Variants in RBFOX3 observed in about 807,000 individuals in gnomAD.
The protein encoded by RBFOX3 is RNA binding protein fox-1 homolog 3.
In RBFOX3, 17 loss-of-function variants were observed where a neutral mutation model predicts 48.7. The observed-to-expected ratio is 0.35, with a 90% CI of 0.24 to 0.52. The LOEUF (loss-of-function observed/expected upper bound fraction) is 0.52, where lower values mean the gene tolerates loss of function less well. Ranked by LOEUF, RBFOX3 falls within the 20% of genes least tolerant of loss-of-function variation. RBFOX3 has a pLI of 0.94. For missense variants in RBFOX3, 382 were observed against 497.5 expected (o/e 0.77, Z 2.21); for synonymous variants, 212 against 209.5 (o/e 1.01, Z -0.10).
At chr17:79,264,565 G>C (rs571972953) in intron 3 of RBFOX3, among the ~76,000 whole-genome samples, 1 of 152,202 alleles carries the variant, frequency 6.6e-6, no homozygotes, top group Admixed American at 6.5e-5. Context: ...CATTTCTGTT[G>C]TCTCATGTCA....
At chr17:79,268,916 C>T (rs1563449) in intron 3 of RBFOX3, among the ~76,000 whole-genome samples, 114,214 of 152,206 alleles carry the variant, frequency 0.75, 44,685 homozygotes, top group East Asian at 0.92. Context: ...CCTCTCACCC[C>T]CTTGTCTTCA....
chr17:79,598,172 C>G (rs2093613472), intron 1 of RBFOX3: 1 of 152,312 alleles, frequency 6.6e-6, no homozygotes, highest in African/African-American at 2.4e-5. Context: ...AGCAGGAGCG[C>G]TGCCTGCTGG....
chr17:79,144,077 G>A (rs186985889), intron 4 of RBFOX3, among the ~76,000 whole-genome samples: 2 of 152,330 alleles, frequency 1.3e-5, no homozygotes, highest in Admixed American at 6.5e-5. Flanking sequence ...CCACAGGCCC[G>A]GCACTGGCAT....
intron 1 of RBFOX3, among the ~76,000 whole-genome samples, chr17:79,573,708 G>A (rs1312601419): frequency 3.9e-5 from 6 of 152,052 alleles, no homozygotes; most frequent in East Asian, 1.9e-4. Flanking sequence ...CTCCCCTTCC[G>A]CCTTGCCATC....
At chr17:79,453,209 C>T (rs2073868188) in intron 2 of RBFOX3, among the ~76,000 whole-genome samples, 1 of 152,274 alleles carries the variant, frequency 6.6e-6, no homozygotes, top group Non-Finnish European at 1.5e-5. Context: ...TGCGTGTTGG[C>T]TCTGCCCAGA....
At chr17:79,659,415 A>G in the RBFOX3 span, among the ~76,000 whole-genome samples, 1 of 152,188 alleles carries the variant, frequency 6.6e-6, no homozygotes, top group African/African-American at 2.4e-5. Flanking sequence ...CAGCTAGGAA[A>G]GAGCACTCAG....
intron 3 of RBFOX3, among the ~76,000 whole-genome samples, chr17:79,277,820 C>T (rs1801739415): frequency 6.6e-6 from 1 of 152,244 alleles, no homozygotes; most frequent in Non-Finnish European, 1.5e-5. Flanking sequence ...CGTGTGCAAA[C>T]ACAGAGCCTG....
At position 79,123,768 on chromosome 17, in the gene RBFOX3, G is replaced by A. The variant is rs571743564; in HGVS notation, c.-33-8020C>T. Reference sequence around the variant, plus strand: ...TTCCTATCGCACCTGGCAGGCAGGCGGCAGGCAGTAAAGTTTGGCCAGCCC... The same window carrying A: ...TTCCTATCGCACCTGGCAGGCAGGCAGCAGGCAGTAAAGTTTGGCCAGCCC... On this transcript the variant is annotated intron_variant, in intron 4 of 14. Coordinates refer to ENST00000693108, the MANE Select transcript of RBFOX3 (RefSeq NM_001350451.2). Among the ~76,000 whole-genome samples the A allele has an allele frequency of 1.7e-4, 26 of 152,244 alleles. No homozygotes were observed. In the South Asian group the frequency reaches 4.6e-3, roughly 27 times the overall value.
chr17:79,472,330 C>G (rs1488462004), intron 2 of RBFOX3, among the ~76,000 whole-genome samples: 3 of 152,206 alleles, frequency 2.0e-5, no homozygotes, highest in African/African-American at 7.2e-5. Flanking sequence ...AGAAAATTCC[C>G]GTGCACCCTT....
chr17:79,553,668 T>G (rs2091353633), intron 1 of RBFOX3, among the ~76,000 whole-genome samples: 1 of 152,154 alleles, frequency 6.6e-6, no homozygotes, highest in Non-Finnish European at 1.5e-5. Flanking sequence ...AAATTATATT[T>G]CTCCCTTATT....
chr17:79,593,211 A>G (rs2093472602), intron 1 of RBFOX3, among the ~76,000 whole-genome samples: 1 of 152,082 alleles, frequency 6.6e-6, no homozygotes, highest in Non-Finnish European at 1.5e-5. Context: ...ACCAGGACGG[A>G]CACCACCTGC....
Position 79,331,620 on chromosome 17 carries a change from G to A in RBFOX3, c.-174-23796C>T, listed in dbSNP as rs898500091. Among the ~76,000 whole-genome samples the A allele has an allele frequency of 1.1e-4, 16 of 152,284 alleles. No homozygotes were observed. The East Asian group carries it at 2.5e-3, about 24-fold the overall frequency. ...CTAGATCTCCTAAGAGATTGAAGAC[G>A]GCACTCCCAGAAGACGGCACCCCAT... On this transcript the variant is annotated intron_variant, in intron 2 of 14. Coordinates refer to ENST00000693108, the MANE Select transcript of RBFOX3 (RefSeq NM_001350451.2).
chr17:79,663,217 C>G, the RBFOX3 span, among the ~76,000 whole-genome samples: 1 of 152,116 alleles, frequency 6.6e-6, no homozygotes, highest in South Asian at 2.1e-4. Flanking sequence ...CTACCTTCCT[C>G]CAAGCCAAAT....
At chr17:79,295,377 CA>C (rs2074167924) in intron 3 of RBFOX3, among the ~76,000 whole-genome samples, 1 of 152,132 alleles carries the variant, frequency 6.6e-6, no homozygotes, top group African/African-American at 2.4e-5. Context: ...GTAGGGAGAG[CA>C]GGAGGAAAAA....
rs118093776 is a variant in RBFOX3, at chr17:79,307,272, G to A, written c.-74+452C>T. Among the ~76,000 whole-genome samples the A allele has an allele frequency of 5.3e-5, 8 of 152,316 alleles. No homozygotes were observed. The East Asian group carries it at 1.4e-3, about 26-fold the overall frequency. Reference sequence around the variant, plus strand: ...GACGAGCTCCACCGGGAGATCTTGCGGTCACACGGTCCTGTTCCACCCTAG... The same window carrying A: ...GACGAGCTCCACCGGGAGATCTTGCAGTCACACGGTCCTGTTCCACCCTAG... On this transcript the variant is annotated intron_variant, in intron 3 of 14. Transcript: ENST00000693108.
At chr17:79,124,566 C>G (rs890016026) in intron 4 of RBFOX3, among the ~76,000 whole-genome samples, 4 of 152,232 alleles carry the variant, frequency 2.6e-5, no homozygotes, top group Admixed American at 2.0e-4. Context: ...TCCATAAAGG[C>G]TAATGTCCAC....
At chr17:79,403,792 T>C (rs1343254367) in intron 2 of RBFOX3, among the ~76,000 whole-genome samples, 1 of 147,924 alleles carries the variant, frequency 6.8e-6, no homozygotes, top group Non-Finnish European at 1.5e-5. Flanking sequence ...CTTTTTTTTT[T>C]TTTTTTTTTG....
At chr17:79,117,174 C>A (rs1233166096) in intron 4 of RBFOX3, among the ~76,000 whole-genome samples, 3 of 152,250 alleles carry the variant, frequency 2.0e-5, no homozygotes, top group African/African-American at 4.8e-5. Context: ...ACTCGCCCCC[C>A]CAGGAGTCTG....
intron 3 of RBFOX3, among the ~76,000 whole-genome samples, chr17:79,247,590 G>A (rs1053126017): frequency 1.3e-5 from 2 of 152,126 alleles, no homozygotes; most frequent in African/African-American, 4.8e-5. Flanking sequence ...AGGATTACAG[G>A]AGTGAGCCAC....
Sources: gnomAD v4.1 joint callset for allele counts (sites outside exome capture counted in the v4.1 genomes callset) on GRCh38, gnomAD v4.1.1 for gene constraint, MANE v1.5 for transcripts, NCBI Gene and HGNC (gene_info 2026-07-23, HGNC 2026-07-21) for gene names.